The following TMEM132E variants were observed in gnomAD, a reference collection of about 807,000 sequenced individuals.
The protein encoded by TMEM132E is transmembrane protein 132E.
TMEM132E carries 49 observed loss-of-function variants against 78.5 expected under a neutral mutation model. That is an observed-to-expected ratio of 0.62 (90% CI 0.50 to 0.79). The LOEUF is 0.79. Among genes scored for constraint, TMEM132E ranks in the 30% least tolerant of loss-of-function variants. TMEM132E has a pLI of 0.00. For synonymous variants in TMEM132E, 715 were observed against 670.6 expected (o/e 1.07, Z -1.02); for missense variants, 1,403 against 1,470.9 (o/e 0.95, Z 0.75).
intron 1 of TMEM132E, among the ~76,000 whole-genome samples, chr17:34,613,554 C>A (rs1355409529): frequency 6.6e-6 from 1 of 151,968 alleles, no homozygotes; most frequent in Non-Finnish European, 1.5e-5. Context: ...ATAGGGTTTT[C>A]TCTATTTTCT....
intron 1 of TMEM132E, among the ~76,000 whole-genome samples, chr17:34,595,944 A>G (rs1027963110): frequency 6.6e-6 from 1 of 152,162 alleles, no homozygotes; most frequent in African/African-American, 2.4e-5. Flanking sequence ...TGAAATGTGA[A>G]CTATGGGGAA....
chr17:34,622,053 A>G (rs112634129), intron 1 of TMEM132E, among the ~76,000 whole-genome samples: 2 of 152,188 alleles, frequency 1.3e-5, no homozygotes, highest in East Asian at 3.8e-4. Flanking sequence ...GCCATGCTCC[A>G]TGATGTCTGG....
intron 1 of TMEM132E, among the ~76,000 whole-genome samples, chr17:34,603,938 T>C (rs889354144): frequency 2.0e-5 from 3 of 151,560 alleles, no homozygotes; most frequent in African/African-American, 7.3e-5. Context: ...CCTCCCTCAC[T>C]CAATGGAGCC....
intron 1 of TMEM132E, among the ~76,000 whole-genome samples, chr17:34,606,342 C>T (rs1220126668): frequency 6.6e-6 from 1 of 152,116 alleles, no homozygotes; most frequent in Admixed American, 6.5e-5. Flanking sequence ...AGCGAAACTC[C>T]ATCTCAAAAA....
chr17:34,627,442 C>T (rs1467714150), intron 2 of TMEM132E, among the ~76,000 whole-genome samples: 1 of 120,360 alleles, frequency 8.3e-6, no homozygotes, highest in Non-Finnish European at 1.8e-5. Context: ...CAGAGAGCAG[C>T]CTCTTGGCTG....
intron 1 of TMEM132E, among the ~76,000 whole-genome samples, chr17:34,598,516 C>T (rs1412216538): frequency 6.6e-6 from 1 of 152,012 alleles, no homozygotes; most frequent in African/African-American, 2.4e-5. Context: ...GAAATGCAGG[C>T]CCCAGGGAAG....
chr17:34,581,107 G>A lies in TMEM132E; in HGVS notation c.31G>A (p.Ala11Thr), dbSNP rs866403031. 3.3e-6 allele frequency: 5 copies of A among 1,536,148 alleles called. No homozygotes were observed. Among genetic ancestry groups the A allele is most frequent in the East Asian group, 2.5e-5 (1 of 39,426 alleles). The change falls in exon 1 of 9, where the codon GCC (alanine) becomes ACC (threonine). Residue 11 changes from alanine (A) to threonine (T), a missense_variant. Around this residue, in one of 3 missense-constraint regions of TMEM132E, gnomAD observed 511 missense variants for 499.0 expected, o/e 1.02. Coordinates refer to ENST00000631683, the MANE Select transcript of TMEM132E (RefSeq NM_001304438.2). The part of the protein sequence containing the change: MAPGMSGRGG[A>T]ALLCLSALLA... ...CCCGGGGATGTCGGGCCGCGGCGGC[G>A]CCGCCCTGCTCTGCCTCTCAGCGCT...
At chr17:34,632,238 C>T (rs1302988646) in intron 5 of TMEM132E, among the ~76,000 whole-genome samples, 2 of 152,168 alleles carry the variant, frequency 1.3e-5, no homozygotes, top group Non-Finnish European at 2.9e-5. Flanking sequence ...TGGGTCTGCC[C>T]CCCATCCCCA....
At chr17:34,612,676 A>G (rs887329180) in intron 1 of TMEM132E, among the ~76,000 whole-genome samples, 2 of 152,194 alleles carry the variant, frequency 1.3e-5, no homozygotes, top group Non-Finnish European at 2.9e-5. Flanking sequence ...CTTCATGACC[A>G]AGCCCACCTC....
At chr17:34,623,275 C>T (rs1180519739) in intron 1 of TMEM132E, among the ~76,000 whole-genome samples, 1 of 152,130 alleles carries the variant, frequency 6.6e-6, no homozygotes, top group Non-Finnish European at 1.5e-5. Flanking sequence ...CCCTGCCGTG[C>T]CTCCAAGGAA....
rs144636245 is a variant in TMEM132E at position 34,628,620 on chromosome 17, G to A, written c.1056G>A (p.Trp352Ter). 17 of 1,613,936 alleles carry A rather than the reference G, an allele frequency of 1.1e-5. No individual in the cohort carries two copies. Among genetic ancestry groups the A allele is most frequent in the Admixed American group, 3.3e-5 (2 of 59,994 alleles). ...LLGTKSRSGQWHVTSELLTGA... is the reference protein window; with the variant it reads ...LLGTKSRSGQ ...GTACCAAGTCACGGAGTGGCCAGTGGCATGTGACCTCGGAGCTGCTGACTG... is the reference window on the plus strand; with the variant it reads ...GTACCAAGTCACGGAGTGGCCAGTGACATGTGACCTCGGAGCTGCTGACTG... The change falls in exon 3 of 9, where the codon TGG becomes TGA. Residue 352 changes from tryptophan (W) to a stop codon, truncating the protein, a stop_gained. Coordinates refer to ENST00000631683, the MANE Select transcript of TMEM132E (RefSeq NM_001304438.2). LOFTEE classifies it high-confidence loss of function.
chr17:34,633,623 C>T (rs753964541), intron 6 of TMEM132E, among the ~76,000 whole-genome samples: 1 of 152,152 alleles, frequency 6.6e-6, no homozygotes, highest in South Asian at 2.1e-4. Context: ...AGGAGGTGGG[C>T]GGGGCTGGAG....
At position 34,632,256 on chromosome 17, in the gene TMEM132E, C is replaced by A. The variant is rs1307422840; in HGVS notation, c.1483-448C>A. ...GTCTGCCCCCCATCCCCATCCCCTG[C>A]ACCTCAACTTCCTCCCTGCCCAGTC... On this transcript the variant is annotated intron_variant, in intron 5 of 8. Coordinates refer to ENST00000631683, the MANE Select transcript of TMEM132E (RefSeq NM_001304438.2). 2.0e-5 allele frequency among the ~76,000 whole-genome samples: 3 copies of A among 152,188 alleles called. No individual in the cohort carries two copies. The East Asian group carries it at 5.8e-4, about 29-fold the overall frequency.
intron 1 of TMEM132E, among the ~76,000 whole-genome samples, chr17:34,625,188 A>C (rs145235232): frequency 1.1e-3 from 169 of 152,312 alleles, no homozygotes; most frequent in African/African-American, 3.9e-3. Context: ...TAAGGCCAGA[A>C]TGGGGGCAGG....
At chr17:34,600,286 A>T (rs900276682) in intron 1 of TMEM132E, among the ~76,000 whole-genome samples, 2 of 152,212 alleles carry the variant, frequency 1.3e-5, no homozygotes, top group Admixed American at 1.3e-4. Context: ...GTAACTACTG[A>T]TAATTGCTAC....
intron 1 of TMEM132E, among the ~76,000 whole-genome samples, chr17:34,582,836 T>C (rs1240266450): frequency 6.6e-6 from 1 of 152,102 alleles, no homozygotes; most frequent in African/African-American, 2.4e-5. Flanking sequence ...TCCCCTCTTC[T>C]TACATCTTGC....
chr17:34,631,779 T>C (rs1256848088), intron 5 of TMEM132E, among the ~76,000 whole-genome samples: 7 of 152,176 alleles, frequency 4.6e-5, no homozygotes, highest in Non-Finnish European at 8.8e-5. Flanking sequence ...AGCTGAATGA[T>C]AGACCTTCCC....
intron 1 of TMEM132E, among the ~76,000 whole-genome samples, chr17:34,618,395 ATTT>A (rs57529797): frequency 0.049 from 6,524 of 133,594 alleles, 185 homozygotes; most frequent in Non-Finnish European, 0.071. Context: ...ACGTCTGGTG[ATTT>A]TTTTTTTTTT....
chr17:34,627,158 T>G, intron 2 of TMEM132E, 101 bp downstream of exon 2: 13 of 1,260,950 alleles, frequency 1.0e-5, no homozygotes, highest in Non-Finnish European at 1.3e-5. Flanking sequence ...CTCCCAGCTG[T>G]ATCCCTGTCC....
Sources: allele counts gnomAD v4.1 joint callset (sites outside exome capture counted in the v4.1 genomes callset), GRCh38; gene constraint gnomAD v4.1.1; regional missense constraint gnomAD v4.1.1; transcripts MANE v1.5; gene names NCBI Gene and HGNC (gene_info 2026-07-23, HGNC 2026-07-21).